The following PIGU variants were observed in gnomAD, a reference collection of about 807,000 sequenced individuals.
The protein encoded by PIGU is GPI-anchor transamidase component PIGU.
A neutral mutation model predicts 49.9 loss-of-function variants in PIGU; 24 were observed. That is an observed-to-expected ratio of 0.48 (90% CI 0.35 to 0.68). The LOEUF is 0.68. Among genes scored for constraint, PIGU ranks in the 30% least tolerant of loss-of-function variants. The pLI is 0.01. For synonymous variants in PIGU, 220 were observed against 205.7 expected (o/e 1.07, Z -0.59); for missense variants, 490 against 532.6 (o/e 0.92, Z 0.79).
intron 2 of PIGU, among the ~76,000 whole-genome samples, chr20:34,648,246 T>A (rs1207971758): frequency 1.6e-5 from 2 of 126,104 alleles, no homozygotes; most frequent in Admixed American, 1.8e-4. Flanking sequence ...AGTGAGACCC[T>A]GTCTCAAAAA....
At chr20:34,603,559 G>A (rs1308208628) in intron 7 of PIGU, among the ~76,000 whole-genome samples, 2 of 151,918 alleles carry the variant, frequency 1.3e-5, no homozygotes, top group Admixed American at 6.6e-5. Flanking sequence ...TTAATCTATT[G>A]CAATTCTTAC....
At chr20:34,605,151 A>G (rs536022343) in intron 7 of PIGU, among the ~76,000 whole-genome samples, 56 of 152,280 alleles carry the variant, frequency 3.7e-4, no homozygotes, top group African/African-American at 1.3e-3. Context: ...ATAACATTTT[A>G]AACCTCTCTC....
At chr20:34,662,094 A>G (rs918327588) in intron 1 of PIGU, among the ~76,000 whole-genome samples, 34 of 151,996 alleles carry the variant, frequency 2.2e-4, no homozygotes, top group African/African-American at 7.5e-4. Context: ...TTTTTCCAAG[A>G]CAGGTTCTCG....
chr20:34,656,763 C>CA lies in PIGU; in HGVS notation c.195+416dup, dbSNP rs66812401. Among the ~76,000 whole-genome samples the CA allele has an allele frequency of 2.6e-3, 252 of 98,624 alleles. 1 individual carries two copies. The highest frequency in any genetic ancestry group is 3.8e-3 in the African/African-American group (101 of 26,432). The allele number at this position is 98,624 out of a possible 152,430, so 64.7% of individuals were successfully genotyped here. A position where few individuals can be genotyped will look rare whatever the true frequency, so the allele number is the denominator to read the frequency against. Reference sequence around the variant, plus strand: ...CCTGGGTGACAGAATAAGACCCTGCCAAAAAAAAAAAAAAAAGCTAATTTT... The same window carrying CA: ...CCTGGGTGACAGAATAAGACCCTGCCAAAAAAAAAAAAAAAAAGCTAATTTT... On this transcript the variant is annotated intron_variant, in intron 2 of 11. Transcript: ENST00000217446.
chr20:34,648,128 G>A (rs1181960827), intron 2 of PIGU, among the ~76,000 whole-genome samples: 1 of 151,848 alleles, frequency 6.6e-6, no homozygotes, highest in African/African-American at 2.4e-5. Context: ...GCATGCACCT[G>A]TAATCCAAGC....
intron 7 of PIGU, among the ~76,000 whole-genome samples, chr20:34,614,839 A>C (rs550460998): frequency 1.1e-4 from 16 of 152,348 alleles, no homozygotes; most frequent in African/African-American, 3.8e-4. Flanking sequence ...ACTCAGCTTT[A>C]GCAGTGCTTG....
intron 2 of PIGU, among the ~76,000 whole-genome samples, chr20:34,652,053 G>A (rs533473323): frequency 3.9e-5 from 6 of 152,258 alleles, no homozygotes; most frequent in African/African-American, 1.4e-4. Context: ...AGGCTGGGGT[G>A]CAGAGGTATA....
At chr20:34,590,087 G>A (rs373022680) in intron 7 of PIGU, among the ~76,000 whole-genome samples, 263 of 147,402 alleles carry the variant, frequency 1.8e-3, no homozygotes, top group African/African-American at 6.1e-3. Context: ...TCTTAAAAAT[G>A]TTTTCCTCAA....
chr20:34,673,858 G>T (rs947724355), intron 1 of PIGU, among the ~76,000 whole-genome samples: 3 of 151,952 alleles, frequency 2.0e-5, no homozygotes, highest in South Asian at 4.1e-4. Context: ...ATCAAGACCA[G>T]CCTGGCTAAT....
intron 7 of PIGU, among the ~76,000 whole-genome samples, chr20:34,611,007 A>C (rs906145562): frequency 6.6e-6 from 1 of 152,240 alleles, no homozygotes; most frequent in East Asian, 1.9e-4. Context: ...AGCCATACGC[A>C]GAAAACAGAA....
chr20:34,664,947 T>A (rs1384891105), intron 1 of PIGU, among the ~76,000 whole-genome samples: 3 of 151,928 alleles, frequency 2.0e-5, no homozygotes, highest in Non-Finnish European at 4.4e-5. Context: ...GCCACTGCAC[T>A]CCAGCCTGGG....
chr20:34,604,214 T>G (rs1984533813), intron 7 of PIGU, among the ~76,000 whole-genome samples: 1 of 152,072 alleles, frequency 6.6e-6, no homozygotes, highest in Non-Finnish European at 1.5e-5. Context: ...ATAAAAAATA[T>G]TTAGGGAAAT....
At chr20:34,597,398 A>G (rs1984242042) in intron 7 of PIGU, among the ~76,000 whole-genome samples, 1 of 152,252 alleles carries the variant, frequency 6.6e-6, no homozygotes, top group African/African-American at 2.4e-5. Context: ...TTCCATTTAT[A>G]TGATGTTTTA....
At position 34,657,057 on chromosome 20, in the gene PIGU, G is replaced by A. The variant is rs369642148; in HGVS notation, c.195+123C>T. ...TGCAGAGGACATCTAAAAACGGGCT[G>A]TTTCTAAATATGATCGTCAAGAATA... On this transcript the variant is annotated intron_variant, in intron 2 of 11. Transcript: ENST00000217446. 3,071 of 767,904 alleles carry A rather than the reference G, an allele frequency of 4.0e-3. 18 individuals carry two copies. Among genetic ancestry groups the A allele is most frequent in the Middle Eastern group, 0.026 (104 of 4,062 alleles). The allele number at this position is 767,904 out of a possible 1,614,324, so 47.6% of individuals were successfully genotyped here. A position where few individuals can be genotyped will look rare whatever the true frequency, so the allele number is the denominator to read the frequency against.
chr20:34,567,922 T>TC (rs1208883926), intron 11 of PIGU, among the ~76,000 whole-genome samples: 1 of 151,304 alleles, frequency 6.6e-6, no homozygotes, highest in African/African-American at 2.4e-5. Context: ...GAGGCCACCT[T>TC]CCCCAGGAAG....
intron 7 of PIGU, among the ~76,000 whole-genome samples, chr20:34,603,186 G>T: frequency 1.3e-5 from 2 of 151,886 alleles, no homozygotes; most frequent in African/African-American, 2.4e-5. Context: ...GATCAATTTT[G>T]GATTTTATCC....
At chr20:34,611,729 A>C (rs990478962) in intron 7 of PIGU, among the ~76,000 whole-genome samples, 1 of 152,066 alleles carries the variant, frequency 6.6e-6, no homozygotes, top group African/African-American at 2.4e-5. Context: ...ACTTCTCAAA[A>C]GAAGAGATTT....
At chr20:34,606,696 A>G (rs1474146389) in intron 7 of PIGU, among the ~76,000 whole-genome samples, 2 of 152,186 alleles carry the variant, frequency 1.3e-5, no homozygotes, top group Non-Finnish European at 2.9e-5. Context: ...TTGTTCCACT[A>G]TAAGTGATAA....
chr20:34,668,483 A>AAAAAAAAAG (rs1412365978), intron 1 of PIGU, among the ~76,000 whole-genome samples: 7 of 88,712 alleles, frequency 7.9e-5, no homozygotes, highest in East Asian at 3.6e-4. Context: ...AAAAAAAAAA[A>AAAAAAAAAG]GGGGGGGGCG....
Sources: allele counts gnomAD v4.1 joint callset (sites outside exome capture counted in the v4.1 genomes callset), GRCh38; gene constraint gnomAD v4.1.1; transcripts MANE v1.5; gene names NCBI Gene and HGNC (gene_info 2026-07-23, HGNC 2026-07-21).